PCDHGA2: variants seen among roughly 807,000 people sequenced by gnomAD.
PCDHGA2 encodes the protein protocadherin gamma-A2.
PCDHGA2 carries 40 observed loss-of-function variants against 59.2 expected under a neutral mutation model. That is an observed-to-expected ratio of 0.68 (90% CI 0.52 to 0.88). The LOEUF (loss-of-function observed/expected upper bound fraction) is 0.88. Ranked by LOEUF, PCDHGA2 falls within the 40% of genes least tolerant of loss-of-function variation. The pLI is 0.00. For synonymous variants in PCDHGA2, 560 were observed against 526.0 expected (o/e 1.06, Z -0.89); for missense variants, 1,226 against 1,204.0 (o/e 1.02, Z -0.27).
At chr5:141,395,560 G>T (rs868147032) in intron 1 of PCDHGA2, 1 of 206,840 alleles carries the variant, frequency 4.8e-6, no homozygotes, top group South Asian at 1.4e-4. Context: ...GTGTGTGTGT[G>T]TGTGTGTGTG....
chr5:141,348,328 G>C (rs933861789), intron 1 of PCDHGA2, among the ~76,000 whole-genome samples: 1 of 152,170 alleles, frequency 6.6e-6, no homozygotes, highest in African/African-American at 2.4e-5. Flanking sequence ...GAATTTAAAA[G>C]GCCCATAGCC....
In PCDHGA2 at chr5:141,477,294, C is replaced by G. The variant is rs753131175; in HGVS notation, c.2425-17513C>G. On this transcript the variant is annotated intron_variant, in intron 1 of 3. Coordinates refer to ENST00000394576, the MANE Select transcript of PCDHGA2 (RefSeq NM_018915.4). This position sits in a 1 kb window ranked among gnomAD's most constrained non-coding sequence, Gnocchi z 4.9. ...GGGCTGGTGACCTGCGAAGTTCCACCGGGTCTCCCTTTCAGCCTTACTTCT... is the reference window on the plus strand; with the variant it reads ...GGGCTGGTGACCTGCGAAGTTCCACGGGGTCTCCCTTTCAGCCTTACTTCT... The G allele has an allele frequency of 2.1e-5, 34 of 1,614,024 alleles. No individual in the cohort carries two copies. Among genetic ancestry groups the G allele is most frequent in the Non-Finnish European group, 2.9e-5 (34 of 1,180,036 alleles).
At chr5:141,419,443 C>A in intron 1 of PCDHGA2, 1 of 1,613,080 alleles carries the variant, frequency 6.2e-7, no homozygotes, top group Non-Finnish European at 8.5e-7. Context: ...TGCGCACCTT[C>A]GAGCTCACGC....
rs753768208 is a variant in PCDHGA2 at position 141,340,401 on chromosome 5, A to G, written c.1430A>G (p.His477Arg). ...GCCTCTGTCTTCTCAGTGACGGCCC[A>G]TGACCCCGACAGCAACGACAATGCT... ...RGASVFSVTA[H>R]DPDSNDNAHV... The change falls in exon 1 of 4, where the codon CAT becomes CGT. Residue 477 changes from histidine (H) to arginine (R), a missense_variant. Coordinates refer to ENST00000394576, the MANE Select transcript of PCDHGA2 (RefSeq NM_018915.4). The G allele has an allele frequency of 2.5e-5, 40 of 1,614,036 alleles. No homozygotes were observed. The highest frequency in any genetic ancestry group is 4.0e-5 in the African/African-American group (3 of 74,902).
At position 141,486,209 on chromosome 5, in the gene PCDHGA2, A is replaced by C. The variant is rs749965379; in HGVS notation, c.2425-8598A>C. On this transcript the variant is annotated intron_variant, in intron 1 of 3. Transcript: ENST00000394576. The surrounding 1 kb of genome is among the most constrained non-coding windows in gnomAD (Gnocchi z 5.0). ...AGTGGATCTGCTGGACGTAAATGAC[A>C]ATGCCCCTTACATCACAGTGACCTC... 1 of 1,614,080 alleles carries C rather than the reference A, an allele frequency of 6.2e-7. No homozygotes were observed. Among genetic ancestry groups the C allele is most frequent in the South Asian group, 1.1e-5 (1 of 91,078 alleles).
chr5:141,445,129 A>G (rs1405841381), intron 1 of PCDHGA2, among the ~76,000 whole-genome samples: 3 of 152,226 alleles, frequency 2.0e-5, no homozygotes, highest in Non-Finnish European at 4.4e-5. Context: ...TATTTTTAAA[A>G]TTGTATCTTC....
chr5:141,395,077 A>G (rs2093162583), intron 1 of PCDHGA2: 3 of 1,614,024 alleles, frequency 1.9e-6, no homozygotes, highest in Non-Finnish European at 2.5e-6. Flanking sequence ...ACCTATTCCC[A>G]GGAAGTCTCC....
intron 1 of PCDHGA2, among the ~76,000 whole-genome samples, chr5:141,463,438 C>CTTTTTTTTTTTTT (rs71576115): frequency 9.7e-6 from 1 of 103,256 alleles, no homozygotes; most frequent in Non-Finnish European, 1.9e-5. Context: ...TTTCCTTCTC[C>CTTTTTTTTTTTTT]TTTTTTTTTT....
At chr5:141,406,729 C>A (rs1051103218) in intron 1 of PCDHGA2, among the ~76,000 whole-genome samples, 1 of 152,200 alleles carries the variant, frequency 6.6e-6, no homozygotes, top group Non-Finnish European at 1.5e-5. Context: ...GTTTCTAAGA[C>A]TGGACACTGT....
intron 1 of PCDHGA2, among the ~76,000 whole-genome samples, chr5:141,353,006 A>G (rs1196529811): frequency 6.6e-6 from 1 of 152,160 alleles, no homozygotes; most frequent in African/African-American, 2.4e-5. Flanking sequence ...ACAAACAAAA[A>G]TTATATATTG....
At chr5:141,398,983 C>T (rs2093734558) in intron 1 of PCDHGA2, 1 of 1,613,944 alleles carries the variant, frequency 6.2e-7, no homozygotes. Context: ...CAGAACCGGG[C>T]AAATCTTTAG....
chr5:141,377,664 C>G (rs1042522537), intron 1 of PCDHGA2: 2 of 151,600 alleles, frequency 1.3e-5, no homozygotes, highest in African/African-American at 2.4e-5. Context: ...AAACGACAGA[C>G]GTTCATACAA....
At chr5:141,407,314 T>G (rs2094914230) in intron 1 of PCDHGA2, among the ~76,000 whole-genome samples, 1 of 152,212 alleles carries the variant, frequency 6.6e-6, no homozygotes, top group Non-Finnish European at 1.5e-5. Flanking sequence ...CCTTCATACT[T>G]AGTATTTATA....
chr5:141,340,831 T>C lies in PCDHGA2; in HGVS notation c.1860T>C (p.Gly620=), dbSNP rs761521286. 41 of 1,612,286 alleles carry C rather than the reference T, an allele frequency of 2.5e-5. No individual in the cohort carries two copies. The highest frequency in any genetic ancestry group is 3.5e-5 in the Non-Finnish European group (41 of 1,179,588). The change falls in exon 1 of 4, where the codon GGT becomes GGC. Residue 620 remains glycine, a synonymous_variant. Transcript: ENST00000394576. The part of the protein sequence containing the change: ...KASEPGLFSV[G]LHTGEVRTAR... ...GCGAGCCGGGACTCTTCTCGGTGGGTCTGCACACGGGCGAGGTGCGCACGG... is the reference window on the plus strand; with the variant it reads ...GCGAGCCGGGACTCTTCTCGGTGGGCCTGCACACGGGCGAGGTGCGCACGG...
intron 1 of PCDHGA2, chr5:141,404,640 T>C (rs368593595): frequency 1.6e-5 from 26 of 1,614,092 alleles, no homozygotes; most frequent in East Asian, 2.2e-5. Context: ...CCAGAAATCC[T>C]GTACCCTGCC....
intron 1 of PCDHGA2, chr5:141,361,599 C>T (rs765204837): frequency 6.2e-7 from 1 of 1,614,058 alleles, no homozygotes; most frequent in Non-Finnish European, 8.5e-7. Flanking sequence ...GCCAAGTTTC[C>T]TACTCCATCG....
At chr5:141,498,012 A>T (rs184213306) in intron 2 of PCDHGA2, among the ~76,000 whole-genome samples, 6 of 152,348 alleles carry the variant, frequency 3.9e-5, no homozygotes, top group Non-Finnish European at 8.8e-5. Context: ...CAGTGCACTG[A>T]AGGAGACAAA....
chr5:141,370,908 C>T (rs372602970), intron 1 of PCDHGA2: 1 of 1,614,028 alleles, frequency 6.2e-7, no homozygotes, highest in East Asian at 2.2e-5. Flanking sequence ...GCAGTACTAC[C>T]TCAGCCCTGA....
chr5:141,394,275 A>G (rs371709954), intron 1 of PCDHGA2: 21 of 1,613,792 alleles, frequency 1.3e-5, no homozygotes, highest in Non-Finnish European at 1.6e-5. Flanking sequence ...TGCCCAGGTC[A>G]CTTACTCTGT....
Sources: allele counts gnomAD v4.1 joint callset (sites outside exome capture counted in the v4.1 genomes callset), GRCh38; gene constraint gnomAD v4.1.1; non-coding constraint Gnocchi (gnomAD v3.1); transcripts MANE v1.5; gene names NCBI Gene and HGNC (gene_info 2026-07-23, HGNC 2026-07-21).